DNAH5: variants seen among roughly 807,000 people sequenced by gnomAD.
DNAH5 encodes the protein axonemal beta dynein heavy chain 5.
DNAH5 carries 372 observed loss-of-function variants against 518.2 expected under a neutral mutation model. That is an observed-to-expected ratio of 0.72 (90% CI 0.66 to 0.78). DNAH5 has a LOEUF of 0.78. DNAH5 is among the 30% of genes least tolerant of loss of function. DNAH5 has a pLI of 0.00. For synonymous variants in DNAH5, 2,039 were observed against 2,025.9 expected (o/e 1.01, Z -0.17); for missense variants, 5,523 against 5,687.0 (o/e 0.97, Z 0.93).
chr5:13,838,096 T>G (rs935297435), intron 35 of DNAH5, among the ~76,000 whole-genome samples: 3 of 152,222 alleles, frequency 2.0e-5, no homozygotes, highest in Non-Finnish European at 4.4e-5. Flanking sequence ...GAATACAATA[T>G]GGAATGATTA....
chr5:13,808,246 A>AAAAAAAAAAAG lies in DNAH5; in HGVS notation c.7753-522_7753-521insCTTTTTTTTTT, dbSNP rs1377994954. Among the ~76,000 whole-genome samples, 111 of 143,752 alleles carry AAAAAAAAAAAG rather than the reference A, an allele frequency of 7.7e-4. 2 individuals are homozygous for AAAAAAAAAAAG. The highest frequency in any genetic ancestry group is 3.0e-3 in the African/African-American group (111 of 36,762). 94.3% of individuals were successfully genotyped at this position (143,752 alleles called of 152,430 possible). A position where few individuals can be genotyped will look rare whatever the true frequency, so the allele number is the denominator to read the frequency against. On this transcript the variant is annotated intron_variant, in intron 46 of 78. Transcript: ENST00000265104. Reference sequence around the variant, plus strand: ...ATCTCAAAAAAAAAAAAAAAAAAAAAAAGAGGAAATTTGTATACACAAAGA... The same window carrying AAAAAAAAAAAG: ...ATCTCAAAAAAAAAAAAAAAAAAAAAAAAAAAAAAAGAAGAGGAAATTTGTATACACAAAGA...
chr5:14,008,184 AAAGAAAG>A (rs1359442573), intron 1 of DNAH5, among the ~76,000 whole-genome samples: 8 of 149,382 alleles, frequency 5.4e-5, no homozygotes, highest in African/African-American at 2.0e-4. Flanking sequence ...AAAAAAAAAA[AAAGAAAG>A]AAAGAAAGAA....
chr5:13,974,499 G>A (rs1225595852), intron 1 of DNAH5, among the ~76,000 whole-genome samples: 1 of 152,144 alleles, frequency 6.6e-6, no homozygotes, highest in African/African-American at 2.4e-5. Context: ...ACCTGTGATA[G>A]GATGGCATTT....
chr5:13,854,032 G>T (rs982772140), intron 30 of DNAH5, among the ~76,000 whole-genome samples: 5 of 152,156 alleles, frequency 3.3e-5, no homozygotes, highest in Non-Finnish European at 5.9e-5. Context: ...ACACCATGAA[G>T]ATTCTCCTCA....
At chr5:13,710,751 A>C (rs576698797) in intron 75 of DNAH5, among the ~76,000 whole-genome samples, 1 of 152,326 alleles carries the variant, frequency 6.6e-6, no homozygotes, top group African/African-American at 2.4e-5. Flanking sequence ...TACACACATA[A>C]ACCAGAACAC....
chr5:13,979,240 C>A (rs1386000815), intron 1 of DNAH5, among the ~76,000 whole-genome samples: 3 of 152,180 alleles, frequency 2.0e-5, no homozygotes, highest in African/African-American at 7.2e-5. Context: ...ACATCACCTT[C>A]ATCATGAGGC....
chr5:13,863,152 T>G (rs1046361048), intron 28 of DNAH5, among the ~76,000 whole-genome samples: 1 of 152,150 alleles, frequency 6.6e-6, no homozygotes, highest in African/African-American at 2.4e-5. Context: ...AGAAACCTGA[T>G]TCTCCCATGG....
chr5:13,992,338 C>T (rs769704078), intron 1 of DNAH5, among the ~76,000 whole-genome samples: 21 of 152,164 alleles, frequency 1.4e-4, no homozygotes, highest in South Asian at 2.1e-4. Context: ...CAAAATCCCA[C>T]AAATCACATT....
chr5:13,995,645 C>T (rs1012353543), intron 1 of DNAH5, among the ~76,000 whole-genome samples: 3 of 151,886 alleles, frequency 2.0e-5, no homozygotes, highest in Non-Finnish European at 4.4e-5. Context: ...AAAAAAGTAG[C>T]AAAATGTTTT....
At chr5:13,924,965 A>T (rs1365203473) in intron 3 of DNAH5, among the ~76,000 whole-genome samples, 1 of 152,104 alleles carries the variant, frequency 6.6e-6, no homozygotes, top group Non-Finnish European at 1.5e-5. Context: ...CTGCAGTGGG[A>T]GGATGGCGCT....
At chr5:13,778,544 AAG>A (rs1391261507) in intron 53 of DNAH5, among the ~76,000 whole-genome samples, 1 of 48,374 alleles carries the variant, frequency 2.1e-5, no homozygotes, top group Admixed American at 1.8e-4. Flanking sequence ...AGAGAGAAGA[AAG>A]AAAGAAAGAA....
At chr5:13,790,316 G>GTTATC (rs1465728811) in intron 50 of DNAH5, among the ~76,000 whole-genome samples, 1 of 152,204 alleles carries the variant, frequency 6.6e-6, no homozygotes, top group African/African-American at 2.4e-5. Flanking sequence ...ATCAGTGGCA[G>GTTATC]ATTGGATAAA....
intron 52 of DNAH5, among the ~76,000 whole-genome samples, chr5:13,783,083 T>A (rs943113000): frequency 1.3e-5 from 2 of 152,060 alleles, no homozygotes; most frequent in African/African-American, 4.8e-5. Context: ...CTGGGTGAGG[T>A]ATGTCTTAGG....
At chr5:13,939,100 A>G (rs370306964) in intron 1 of DNAH5, among the ~76,000 whole-genome samples, 5 of 152,316 alleles carry the variant, frequency 3.3e-5, no homozygotes, top group East Asian at 3.9e-4. Context: ...CATCATTCCT[A>G]CAGGAGTACC....
chr5:13,773,349 T>C (rs1753613985), intron 55 of DNAH5, among the ~76,000 whole-genome samples: 1 of 152,180 alleles, frequency 6.6e-6, no homozygotes. Context: ...GGATGTGATG[T>C]ATCTTGATTA....
Position 13,900,319 on chromosome 5 carries a change from T to G in DNAH5, c.2146A>C (p.Ile716Leu). The G allele has an allele frequency of 6.2e-7, 1 of 1,614,084 alleles. No homozygotes were observed. The highest frequency in any genetic ancestry group is 8.5e-7 in the Non-Finnish European group (1 of 1,179,982). Residue 716 changes from isoleucine to leucine, a missense_variant, in exon 15 of 79, where the codon ATC becomes CTC. Physicochemically the swap from Ile to Leu is conservative, Grantham distance 5 (BLOSUM62 2). Transcript: ENST00000265104. ...LFVNFDPQIL[I>L]LFRETECMAQ... ...ATGCACTCTGTTTCTCTAAATAAGA[T>G]TAATATCTGAGGGTCAAAGTTTACA... is the stretch of plus-strand genomic sequence containing the variant.
At chr5:13,785,675 G>A (rs146146168) in intron 52 of DNAH5, among the ~76,000 whole-genome samples, 48 of 152,110 alleles carry the variant, frequency 3.2e-4, no homozygotes, top group African/African-American at 7.7e-4. Context: ...CTCCCCAATC[G>A]TCTCTCCACC....
chr5:13,951,295 C>A (rs1169652644), intron 1 of DNAH5, among the ~76,000 whole-genome samples: 2 of 143,214 alleles, frequency 1.4e-5, no homozygotes, highest in African/African-American at 5.2e-5. Flanking sequence ...TGGCTCACTG[C>A]AGCCTCAACT....
Position 13,753,489 on chromosome 5 carries a change from C to G in DNAH5, c.10616G>C (p.Arg3539Pro). 3 of 1,613,932 alleles carry G rather than the reference C, an allele frequency of 1.9e-6. No homozygotes were observed. The highest frequency in any genetic ancestry group is 2.2e-5 in the East Asian group (1 of 44,872). Residue 3539 changes from arginine (R) to proline (P), a missense_variant, in exon 63 of 79, where the codon CGT becomes CCT. Arg to Pro is a moderately radical substitution (Grantham distance 103). Coordinates refer to ENST00000265104, the MANE Select transcript of DNAH5 (RefSeq NM_001369.3). Reference sequence around the variant, plus strand: ...CCGCCAGTCATTTAACAGAAGATCACGAAACTCTTGGTTAAATGGACCAGA... The same window carrying G: ...CCGCCAGTCATTTAACAGAAGATCAGGAAACTCTTGGTTAAATGGACCAGA... ...SYSGPFNQEF[R>P]DLLLNDWRKE...
Sources: allele counts gnomAD v4.1 joint callset (sites outside exome capture counted in the v4.1 genomes callset), GRCh38; gene constraint gnomAD v4.1.1; transcripts MANE v1.5; gene names NCBI Gene and HGNC (gene_info 2026-07-23, HGNC 2026-07-21).